Variants in LAMA1 observed in about 807,000 individuals in gnomAD.
The protein encoded by LAMA1 is laminin subunit alpha-1.
LAMA1 carries 219 observed loss-of-function variants against 348.7 expected under a neutral mutation model. The ratio of observed to expected loss-of-function variants is 0.63; its 90% CI spans 0.56 to 0.70. LAMA1 has a LOEUF of 0.70. LAMA1 is among the 30% of genes least tolerant of loss of function. The pLI, the probability that LAMA1 is intolerant of heterozygous loss-of-function variation, is 0.00. For synonymous variants in LAMA1, 1,487 were observed against 1,491.0 expected (o/e 1.00, Z 0.06); for missense variants, 3,744 against 3,888.0 (o/e 0.96, Z 0.99).
chr18:7,115,814 C>CAAAACAAAAAAAAAAAAAAAAAAAAA (rs58813825), intron 1 of LAMA1, among the ~76,000 whole-genome samples: 7 of 94,774 alleles, frequency 7.4e-5, no homozygotes, highest in African/African-American at 1.8e-4. Context: ...ACTAAAAATA[C>CAAAACAAAAAAAAAAAAAAAAAAAAA]AAAAAAAAAA....
At position 7,117,744 on chromosome 18, in the gene LAMA1, G is replaced by A; in HGVS notation, c.-24C>T. 6.3e-7 allele frequency: 1 copy of A among 1,592,050 alleles called. No homozygotes were observed. The highest frequency in any genetic ancestry group is 8.5e-7 in the Non-Finnish European group (1 of 1,175,494). The stretch of plus-strand genomic sequence containing the variant: ...ATCTCGCCTCCGCCGCCACTCGGTG[G>A]GTCTGGGGAGAAAGCCGCGCGCCCG... On this transcript the variant is annotated 5_prime_UTR_variant, in exon 1 of 63. Transcript: ENST00000389658.
At chr18:7,092,868 T>C (rs1157262228) in intron 1 of LAMA1, among the ~76,000 whole-genome samples, 1 of 152,170 alleles carries the variant, frequency 6.6e-6, no homozygotes, top group Admixed American at 6.5e-5. Flanking sequence ...TCTCAGTCTC[T>C]TCTGCTGGCC....
rs779789520 is a variant in LAMA1 at position 6,986,254 on chromosome 18, A to G, written c.5262T>C (p.Leu1754=). Residue 1754 remains leucine, a synonymous_variant, in exon 37 of 63, where the codon CTT becomes CTC. Coordinates refer to ENST00000389658, the MANE Select transcript of LAMA1 (RefSeq NM_005559.4). Reference sequence around the variant, plus strand: ...CCTTTAGTTCATTGTTGTGCTTTGAAAGGACGTGGCTTGCTGCTTCTTTCA... The same window carrying G: ...CCTTTAGTTCATTGTTGTGCTTTGAGAGGACGTGGCTTGCTGCTTCTTTCA... ...EVLKEAASHV[L]SKHNNELKAA... 3 of 1,614,152 alleles carry G rather than the reference A, an allele frequency of 1.9e-6. No homozygotes were observed. In the South Asian group the frequency reaches 3.3e-5, roughly 18 times the overall value.
chr18:6,990,392 G>A (rs1228239510), intron 36 of LAMA1, among the ~76,000 whole-genome samples: 1 of 152,060 alleles, frequency 6.6e-6, no homozygotes, highest in African/African-American at 2.4e-5. Context: ...TCTGCAGGGT[G>A]GGCCTGGGAA....
intron 3 of LAMA1, among the ~76,000 whole-genome samples, chr18:7,063,677 A>C (rs1462783): frequency 0.35 from 53,131 of 152,096 alleles, 9,855 homozygotes; most frequent in South Asian, 0.49. Flanking sequence ...CTTTAAAAGG[A>C]AGGAAATTGT....
chr18:7,093,284 C>CG (rs1047796247), intron 1 of LAMA1, among the ~76,000 whole-genome samples: 11 of 151,966 alleles, frequency 7.2e-5, no homozygotes, highest in Non-Finnish European at 2.9e-5. Flanking sequence ...GGCGGGGTGG[C>CG]GGGCGCCTGT....
rs1255909619 is a variant in LAMA1, at chr18:6,956,676, G to C, written c.8054C>G (p.Ala2685Gly). ...LSERPKLAPD[A>G]EDSKLLPEPR... Reference sequence around the variant, plus strand: ...CTCTGGCAAGAGCTTGCTGTCCTCTGCATCGGGAGCCAGCTTAGGCCTTTC... The same window carrying C: ...CTCTGGCAAGAGCTTGCTGTCCTCTCCATCGGGAGCCAGCTTAGGCCTTTC... The change falls in exon 56 of 63, where the codon GCA becomes GGA. Residue 2685 changes from alanine (A) to glycine (G), a missense_variant. Around this residue, in one of 3 missense-constraint regions of LAMA1, gnomAD observed 1,983 missense variants for 1,934.3 expected, o/e 1.03. Transcript: ENST00000389658. 1.4e-5 allele frequency: 22 copies of C among 1,614,188 alleles called. No individual in the cohort carries two copies. The highest frequency in any genetic ancestry group is 1.7e-5 in the Non-Finnish European group (20 of 1,180,040).
chr18:6,950,865 G>T lies in LAMA1; in HGVS notation c.8314C>A (p.Arg2772Ser), dbSNP rs760542877. 4.3e-6 allele frequency: 7 copies of T among 1,614,116 alleles called. No individual in the cohort carries two copies. Among genetic ancestry groups the T allele is most frequent in the Non-Finnish European group, 5.9e-6 (7 of 1,180,024 alleles). ...CCAAGGTCAAACATGAAGTGGAGGC[G>T]GCCCCCGTGCAGCTGGAGCACAGCG... is the stretch of plus-strand genomic sequence containing the variant. ...DYAVLQLHGG[R>S]LHFMFDLGKG... Residue 2772 changes from arginine (R) to serine (S), a missense_variant, in exon 58 of 63, where the codon CGC (arginine) becomes AGC (serine). Coordinates refer to ENST00000389658, the MANE Select transcript of LAMA1 (RefSeq NM_005559.4).
At chr18:7,107,857 A>G (rs1269625882) in intron 1 of LAMA1, among the ~76,000 whole-genome samples, 4 of 151,538 alleles carry the variant, frequency 2.6e-5, no homozygotes, top group Admixed American at 6.6e-5. Context: ...TACTAAAAAT[A>G]CAAAAAATTA....
intron 55 of LAMA1, among the ~76,000 whole-genome samples, chr18:6,958,220 C>A (rs1002022180): frequency 6.6e-6 from 1 of 152,044 alleles, no homozygotes; most frequent in Admixed American, 6.6e-5. Context: ...ATTAAAATCC[C>A]GGCTCTTTAT....
intron 3 of LAMA1, chr18:7,077,050 A>G (rs904292691): frequency 2.0e-5 from 3 of 152,230 alleles, no homozygotes; most frequent in African/African-American, 7.2e-5. Flanking sequence ...AAAACAAAGC[A>G]CAGCAGAATT....
Position 7,046,350 on chromosome 18 carries a change from C to T in LAMA1, c.786G>A (p.Lys262=), listed in dbSNP as rs1369392608. ...TACACATGCCTCCAACAGAAATGTC[C>T]TTTATTGAATAATAATACTAAGGAA... ...IVTRRYYYSI[K]DISVGGMCIC... The change falls in exon 6 of 63, where the codon AAG becomes AAA. Residue 262 remains lysine (K), a synonymous_variant. Coordinates refer to ENST00000389658, the MANE Select transcript of LAMA1 (RefSeq NM_005559.4). 3.1e-6 allele frequency: 5 copies of T among 1,603,052 alleles called. No homozygotes were observed. The South Asian group carries it at 3.3e-5, about 11-fold the overall frequency.
chr18:7,057,536 G>A (rs1415634873), intron 3 of LAMA1, among the ~76,000 whole-genome samples: 8 of 140,732 alleles, frequency 5.7e-5, no homozygotes, highest in South Asian at 2.3e-4. Context: ...GTGCAATGGC[G>A]TGGTCACAGC....
chr18:7,024,552 C>T (rs960579482), intron 17 of LAMA1, 86 bp from the exon 18 acceptor site: 6 of 1,109,914 alleles, frequency 5.4e-6, no homozygotes, highest in Non-Finnish European at 8.1e-6. Context: ...TCTACTACTC[C>T]TGTGCTTCCA....
chr18:7,011,452 G>A lies in LAMA1; in HGVS notation c.3535C>T (p.Leu1179=). 1 of 1,607,848 alleles carries A rather than the reference G, an allele frequency of 6.2e-7. No individual in the cohort carries two copies. The highest frequency in any genetic ancestry group is 8.5e-7 in the Non-Finnish European group (1 of 1,177,434). Residue 1179 remains leucine, a synonymous_variant, in exon 25 of 63, where the codon CTG becomes TTG. Transcript: ENST00000389658. The part of the protein sequence containing the change: ...PVTLGSDQPL[L]RVVSQSNLRG... ...AAGTTACTCTGAGAAACCACACGCAGAAGAGGCTGATCGGAGCCCAGCGTT... is the reference window on the plus strand; with the variant it reads ...AAGTTACTCTGAGAAACCACACGCAAAAGAGGCTGATCGGAGCCCAGCGTT...
At chr18:6,997,632 T>C (rs1031287114) in intron 33 of LAMA1, 110 bp downstream of exon 33, 6 of 1,183,148 alleles carry the variant, frequency 5.1e-6, no homozygotes, top group South Asian at 3.7e-5. Context: ...CTGATGGAAG[T>C]TGGGCTCTCA....
At chr18:7,085,651 T>A (rs9951707) in intron 1 of LAMA1, among the ~76,000 whole-genome samples, 1 of 151,934 alleles carries the variant, frequency 6.6e-6, no homozygotes, top group Non-Finnish European at 1.5e-5. Flanking sequence ...ATCTCCTGAC[T>A]TCCTGATCCG....
At chr18:7,086,078 A>C (rs1309031127) in intron 1 of LAMA1, among the ~76,000 whole-genome samples, 3 of 152,194 alleles carry the variant, frequency 2.0e-5, no homozygotes, top group Non-Finnish European at 2.9e-5. Flanking sequence ...GCTGAGAATG[A>C]ATGTTTGATT....
chr18:6,990,521 G>A (rs2057753997), intron 36 of LAMA1, among the ~76,000 whole-genome samples: 1 of 152,156 alleles, frequency 6.6e-6, no homozygotes. Flanking sequence ...GGAAGCCCTG[G>A]TTGGAGCTGC....
Sources: gnomAD v4.1 joint callset for allele counts (sites outside exome capture counted in the v4.1 genomes callset) on GRCh38, gnomAD v4.1.1 for gene constraint, gnomAD v4.1.1 regional missense constraint, MANE v1.5 for transcripts, NCBI Gene and HGNC (gene_info 2026-07-23, HGNC 2026-07-21) for gene names.